MGAT5: variants seen among roughly 807,000 people sequenced by gnomAD.
The protein encoded by MGAT5 is alpha-1,6-mannosylglycoprotein 6-beta-N-acetylglucosaminyltransferase.
In MGAT5, 30 loss-of-function variants were observed where a neutral mutation model predicts 94.3. The ratio of observed to expected loss-of-function variants is 0.32; its 90% CI spans 0.24 to 0.43. MGAT5 has a LOEUF of 0.43. Among genes scored for constraint, MGAT5 ranks in the 20% least tolerant of loss-of-function variants. MGAT5 has a pLI of 1.00. For synonymous variants in MGAT5, 310 were observed against 322.9 expected (o/e 0.96, Z 0.43); for missense variants, 691 against 905.5 (o/e 0.76, Z 3.04).
At chr2:134,315,195 A>G (rs1686927863) in intron 2 of MGAT5, among the ~76,000 whole-genome samples, 1 of 152,160 alleles carries the variant, frequency 6.6e-6, no homozygotes, top group Non-Finnish European at 1.5e-5. Flanking sequence ...CCATGTCAGT[A>G]GCCTCTAGAT....
At chr2:134,176,520 C>A (rs1688471693) in intron 1 of MGAT5, among the ~76,000 whole-genome samples, 1 of 143,968 alleles carries the variant, frequency 6.9e-6, no homozygotes, top group Admixed American at 7.1e-5. Flanking sequence ...TTGCAGTGAG[C>A]CGAGATCACA....
At chr2:134,383,673 C>T (rs976495096) in intron 10 of MGAT5, among the ~76,000 whole-genome samples, 1 of 151,920 alleles carries the variant, frequency 6.6e-6, no homozygotes, top group Non-Finnish European at 1.5e-5. Flanking sequence ...GCCCACATAC[C>T]TGTCACCTGT....
chr2:134,427,287 C>A (rs1281581466), intron 13 of MGAT5, among the ~76,000 whole-genome samples: 1 of 152,096 alleles, frequency 6.6e-6, no homozygotes, highest in African/African-American at 2.4e-5. Context: ...CTCCCTGAAG[C>A]AATAATAGAC....
chr2:134,320,425 A>T (rs1012804537), intron 4 of MGAT5, among the ~76,000 whole-genome samples: 5 of 151,772 alleles, frequency 3.3e-5, no homozygotes, highest in African/African-American at 1.2e-4. Flanking sequence ...AATTTTTTAC[A>T]GACTTTAAGG....
chr2:134,407,544 G>A (rs1018131512), intron 11 of MGAT5, among the ~76,000 whole-genome samples: 12 of 152,120 alleles, frequency 7.9e-5, no homozygotes, highest in African/African-American at 2.9e-4. Context: ...CTTGATTGCT[G>A]GAAAGATCCA....
At chr2:134,330,191 T>A (rs1687878106) in intron 4 of MGAT5, among the ~76,000 whole-genome samples, 1 of 152,180 alleles carries the variant, frequency 6.6e-6, no homozygotes, top group South Asian at 2.1e-4. Flanking sequence ...TCAGATCTTA[T>A]AGGATAATAA....
intron 1 of MGAT5, among the ~76,000 whole-genome samples, chr2:134,235,076 G>A (rs1171633247): frequency 2.0e-5 from 3 of 151,994 alleles, no homozygotes; most frequent in Non-Finnish European, 4.4e-5. Context: ...TTGGAAAATT[G>A]GAAGATCTAG....
At chr2:134,336,692 C>T (rs1038008082) in intron 5 of MGAT5, among the ~76,000 whole-genome samples, 2 of 151,740 alleles carry the variant, frequency 1.3e-5, no homozygotes, top group Admixed American at 6.6e-5. Flanking sequence ...ACATTGGGGC[C>T]GAATTTAAAT....
intron 1 of MGAT5, among the ~76,000 whole-genome samples, chr2:134,240,982 C>G (rs1681942128): frequency 6.6e-6 from 1 of 152,238 alleles, no homozygotes; most frequent in South Asian, 2.1e-4. Context: ...TTCCTCCCTT[C>G]TGGATTCTGA....
intron 1 of MGAT5, among the ~76,000 whole-genome samples, chr2:134,189,602 G>GTTGTTTTTTTTT (rs1689232395): frequency 1.8e-4 from 15 of 84,644 alleles, no homozygotes; most frequent in African/African-American, 6.7e-4. Context: ...GTTTTTTTTT[G>GTTGTTTTTTTTT]TTTTTTTTTT....
chr2:134,214,173 T>C (rs1423851561), intron 1 of MGAT5, among the ~76,000 whole-genome samples: 3 of 152,140 alleles, frequency 2.0e-5, no homozygotes, highest in African/African-American at 4.8e-5. Flanking sequence ...TCTTTTGTTA[T>C]AATATTTGGT....
chr2:134,153,558 CGA>C, intron 1 of MGAT5, among the ~76,000 whole-genome samples: 1 of 152,252 alleles, frequency 6.6e-6, no homozygotes, highest in Admixed American at 6.5e-5. Context: ...TCATTGAACT[CGA>C]TGGTCTCCCT....
At chr2:134,122,087 G>A (rs1685620366) in intron 1 of MGAT5, among the ~76,000 whole-genome samples, 2 of 151,524 alleles carry the variant, frequency 1.3e-5, no homozygotes, top group South Asian at 4.2e-4. Flanking sequence ...TGGCAGTAAA[G>A]ATTAGAGCAA....
chr2:134,179,882 G>T (rs1688654941), intron 1 of MGAT5, among the ~76,000 whole-genome samples: 1 of 152,190 alleles, frequency 6.6e-6, no homozygotes, highest in South Asian at 2.1e-4. Flanking sequence ...GACCTTGCTG[G>T]TAAAGCAGGA....
intron 2 of MGAT5, among the ~76,000 whole-genome samples, chr2:134,279,902 A>G (rs1435492161): frequency 6.6e-6 from 1 of 152,206 alleles, no homozygotes; most frequent in African/African-American, 2.4e-5. Flanking sequence ...ACTGACAAGT[A>G]TTTCAACAAA....
At chr2:134,354,114 C>T (rs954391585) in intron 9 of MGAT5, among the ~76,000 whole-genome samples, 1 of 152,094 alleles carries the variant, frequency 6.6e-6, no homozygotes, top group Non-Finnish European at 1.5e-5. Context: ...ATCAAAACTT[C>T]TATTTATTTC....
intron 2 of MGAT5, among the ~76,000 whole-genome samples, chr2:134,311,058 C>CT (rs1171189128): frequency 6.6e-6 from 1 of 152,210 alleles, no homozygotes; most frequent in African/African-American, 2.4e-5. Context: ...TGCTGGAGAA[C>CT]TTTATCTTTT....
rs551928135 is a variant in MGAT5, at chr2:134,191,195, G to A, written c.-142-63067G>A. On this transcript the variant is annotated intron_variant, in intron 1 of 16. Coordinates refer to the MGAT5 transcript ENST00000409645. The stretch of plus-strand genomic sequence containing the variant: ...TAGTAATAGTTGGTCGTACCTAATT[G>A]GCATGTGCTGTTTTAAAGTGACAAT... Among the ~76,000 whole-genome samples, 6 of 152,368 alleles carry A rather than the reference G, an allele frequency of 3.9e-5. No homozygotes were observed. The South Asian group carries it at 1.0e-3, about 26-fold the overall frequency.
chr2:134,384,785 A>G (rs1444343550), intron 10 of MGAT5, among the ~76,000 whole-genome samples: 1 of 152,246 alleles, frequency 6.6e-6, no homozygotes, highest in East Asian at 1.9e-4. Flanking sequence ...GAACAACAGC[A>G]GTTATAAAAA....
Sources: allele counts gnomAD v4.1 joint callset (sites outside exome capture counted in the v4.1 genomes callset), GRCh38; gene constraint gnomAD v4.1.1; transcripts MANE v1.5; gene names NCBI Gene and HGNC (gene_info 2026-07-23, HGNC 2026-07-21).